The following TM2D1 variants were observed in gnomAD, a reference collection of about 807,000 sequenced individuals.
TM2D1 encodes TM2 domain containing 1, also known as TM2 domain-containing protein 1.
In TM2D1, 15 loss-of-function variants were observed where a neutral mutation model predicts 28.4. The observed-to-expected ratio is 0.53, with a 90% CI of 0.35 to 0.81. TM2D1 has a LOEUF of 0.81. Among genes scored for constraint, TM2D1 ranks in the 40% least tolerant of loss-of-function variants. TM2D1 has a pLI of 0.01. For missense variants in TM2D1, 236 were observed against 254.9 expected (o/e 0.93, Z 0.50); for synonymous variants, 93 against 96.2 (o/e 0.97, Z 0.20).
intron 3 of TM2D1, among the ~76,000 whole-genome samples, chr1:61,708,696 G>C (rs1288513325): frequency 6.6e-6 from 1 of 152,126 alleles, no homozygotes; most frequent in Admixed American, 6.5e-5. Context: ...ATTGCTGTTT[G>C]TACTCTAGAA....
intron 3 of TM2D1, among the ~76,000 whole-genome samples, chr1:61,703,260 T>G (rs1279389789): frequency 6.8e-6 from 1 of 147,678 alleles, no homozygotes; most frequent in African/African-American, 2.5e-5. Flanking sequence ...CTAAAATATA[T>G]AATTATATTT....
intron 5 of TM2D1, among the ~76,000 whole-genome samples, chr1:61,686,244 C>CAA (rs1201487160): frequency 2.6e-5 from 4 of 152,132 alleles, no homozygotes; most frequent in Non-Finnish European, 5.9e-5. Context: ...TAAGCCACTA[C>CAA]AAAGTATCAT....
chr1:61,684,205 T>C (rs1048075489), intron 5 of TM2D1, among the ~76,000 whole-genome samples: 1 of 152,158 alleles, frequency 6.6e-6, no homozygotes, highest in Non-Finnish European at 1.5e-5. Flanking sequence ...TCTCTATAAA[T>C]TACCCTCTAA....
At chr1:61,693,997 T>C (rs1307743513) in intron 5 of TM2D1, among the ~76,000 whole-genome samples, 1 of 152,200 alleles carries the variant, frequency 6.6e-6, no homozygotes, top group Non-Finnish European at 1.5e-5. Flanking sequence ...TCACAAACTA[T>C]GCCCGCCCCC....
intron 3 of TM2D1, among the ~76,000 whole-genome samples, chr1:61,709,069 G>A (rs1422897339): frequency 6.6e-6 from 1 of 152,128 alleles, no homozygotes; most frequent in African/African-American, 2.4e-5. Flanking sequence ...CAGGACTGAG[G>A]TGGGAGGATT....
At chr1:61,700,291 A>G in intron 4 of TM2D1, 6 of 1,462,128 alleles carry the variant, frequency 4.1e-6, no homozygotes, top group Non-Finnish European at 5.4e-6. Context: ...AAGAGGATTT[A>G]AAGAGGATGA....
At chr1:61,708,800 T>C (rs963698993) in intron 3 of TM2D1, among the ~76,000 whole-genome samples, 6 of 152,078 alleles carry the variant, frequency 3.9e-5, no homozygotes, top group Admixed American at 2.0e-4. Flanking sequence ...ATTTATAGTC[T>C]TTATTTGTCC....
At chr1:61,698,531 C>A (rs1644379152) in intron 4 of TM2D1, 1 of 147,354 alleles carries the variant, frequency 6.8e-6, no homozygotes, top group Admixed American at 6.8e-5. Flanking sequence ...GCACTCTATC[C>A]TGGGCAACAA....
chr1:61,713,185 C>G (rs1157592890), intron 2 of TM2D1, among the ~76,000 whole-genome samples: 3 of 145,632 alleles, frequency 2.1e-5, no homozygotes, highest in Non-Finnish European at 4.5e-5. Flanking sequence ...AAAAAAAAAG[C>G]TGAGAATCTA....
intron 5 of TM2D1, among the ~76,000 whole-genome samples, chr1:61,691,921 T>TAAAAAAAAAAAA (rs1316880566): frequency 3.2e-5 from 2 of 62,052 alleles, no homozygotes; most frequent in African/African-American, 1.1e-4. Context: ...AAAAAAAACT[T>TAAAAAAAAAAAA]AAAAAAAAAA....
intron 4 of TM2D1, chr1:61,700,204 T>C: frequency 6.5e-7 from 1 of 1,537,416 alleles, no homozygotes; most frequent in Non-Finnish European, 8.8e-7. Flanking sequence ...TAACAACAAA[T>C]ATGTCACAGA....
At chr1:61,702,781 A>C (rs2148050317) in intron 3 of TM2D1, among the ~76,000 whole-genome samples, 1 of 151,818 alleles carries the variant, frequency 6.6e-6, no homozygotes, top group South Asian at 2.1e-4. Flanking sequence ...ATATATAAAG[A>C]TGGTAATATA....
chr1:61,682,019 A>G (rs1163193923), intron 6 of TM2D1, among the ~76,000 whole-genome samples: 2 of 152,200 alleles, frequency 1.3e-5, no homozygotes, highest in African/African-American at 4.8e-5. Flanking sequence ...CTTTTGGACA[A>G]TCAGTTGAAT....
chr1:61,717,820 T>TAA (rs908424833), intron 2 of TM2D1, among the ~76,000 whole-genome samples: 3 of 144,694 alleles, frequency 2.1e-5, no homozygotes, highest in Non-Finnish European at 4.6e-5. Flanking sequence ...TTCATAACAA[T>TAA]AAAAAAAAAA....
chr1:61,712,307 T>C (rs1230384149), intron 2 of TM2D1, among the ~76,000 whole-genome samples: 1 of 152,238 alleles, frequency 6.6e-6, no homozygotes, highest in African/African-American at 2.4e-5. Context: ...ATATACCTGC[T>C]ATAAATTAAA....
intron 3 of TM2D1, among the ~76,000 whole-genome samples, chr1:61,705,171 T>G (rs975481825): frequency 6.6e-6 from 1 of 152,054 alleles, no homozygotes; most frequent in Non-Finnish European, 1.5e-5. Context: ...TGAAAACTGG[T>G]AGTATAGCAG....
chr1:61,682,720 C>G (rs971672133), intron 6 of TM2D1, among the ~76,000 whole-genome samples: 7 of 151,812 alleles, frequency 4.6e-5, no homozygotes, highest in African/African-American at 9.7e-5. Flanking sequence ...AATGGCGAAA[C>G]CCCATCTCTA....
chr1:61,719,470 T>A (rs894978095), intron 2 of TM2D1, among the ~76,000 whole-genome samples: 2 of 151,886 alleles, frequency 1.3e-5, no homozygotes, highest in African/African-American at 4.8e-5. Flanking sequence ...AAAGGGTATA[T>A]GGATGGAGTT....
At chr1:61,690,897 T>C (rs1644319082) in intron 5 of TM2D1, among the ~76,000 whole-genome samples, 1 of 152,182 alleles carries the variant, frequency 6.6e-6, no homozygotes, top group Admixed American at 6.5e-5. Context: ...TCATAAATGT[T>C]TCAGACATTA....
Sources: allele counts gnomAD v4.1 joint callset (sites outside exome capture counted in the v4.1 genomes callset), GRCh38; gene constraint gnomAD v4.1.1; transcripts MANE v1.5; gene names NCBI Gene and HGNC (gene_info 2026-07-23, HGNC 2026-07-21).